Variants in ARHGAP6 observed in about 807,000 individuals in gnomAD.
ARHGAP6 encodes Rho GTPase activating protein 6.
In ARHGAP6, 16 loss-of-function variants were observed where a neutral mutation model predicts 55.7. That is an observed-to-expected ratio of 0.29 (90% CI 0.19 to 0.44). ARHGAP6 has a LOEUF of 0.44. ARHGAP6 is among the 20% of genes least tolerant of loss of function. The pLI is 1.00. For missense variants in ARHGAP6, 698 were observed against 808.9 expected, an observed-to-expected ratio of 0.86 and a Z score of 1.66; for synonymous variants, 382 against 360.9, an observed-to-expected ratio of 1.06 and a Z score of -0.66.
intron 2 of ARHGAP6, among the ~76,000 whole-genome samples, chrX:11,232,489 G>A (rs780673264): frequency 1.8e-5 from 2 of 110,477 alleles, no homozygotes; most frequent in African/African-American, 6.6e-5. Flanking sequence ...AAAATTAGCT[G>A]GGCTTGGTGG....
intron 1 of ARHGAP6, among the ~76,000 whole-genome samples, chrX:11,477,149 C>T (rs2050411012): frequency 1.0e-5 from 1 of 96,213 alleles, no homozygotes; most frequent in African/African-American, 3.9e-5. Context: ...GTTATGAGAA[C>T]TTCAAATATG....
chrX:11,535,361 T>A (rs1158427072), intron 1 of ARHGAP6, among the ~76,000 whole-genome samples: 1 of 112,217 alleles, frequency 8.9e-6, no homozygotes, highest in Non-Finnish European at 1.9e-5. Context: ...GGAAAATTGC[T>A]TAAATCTTGC....
intron 1 of ARHGAP6, among the ~76,000 whole-genome samples, chrX:11,450,946 C>T (rs1337446498): frequency 9.0e-6 from 1 of 111,548 alleles, no homozygotes; most frequent in Non-Finnish European, 1.9e-5. Flanking sequence ...ACCACTGGTC[C>T]AAAGGATGGC....
chrX:11,487,557 T>G (rs990261693), intron 1 of ARHGAP6, among the ~76,000 whole-genome samples: 8 of 112,419 alleles, frequency 7.1e-5, no homozygotes, highest in Admixed American at 6.6e-4. Flanking sequence ...ATAATTTAAG[T>G]ATGTCCATGC....
Position 11,427,856 on chromosome X carries a change from AGG to A in ARHGAP6, c.589-173151_589-173150del, listed in dbSNP as rs1569340683. 7 of 590,823 alleles carry A rather than the reference AGG, an allele frequency of 1.2e-5. No individual in the cohort carries two copies. The Admixed American group carries it at 6.4e-4, about 54-fold the overall frequency. 48.7% of individuals were successfully genotyped at this position (590,823 alleles called of 1,213,427 possible). On this transcript the variant is annotated intron_variant, in intron 1 of 12. Transcript: ENST00000337414. ...GAGGAGGAGGAGGAGGAGGAGGAGG[AGG>A]AGGAGGGAGCGGCCGAGTCTGATGC...
chrX:11,660,284 G>C (rs2052681116), intron 1 of ARHGAP6, among the ~76,000 whole-genome samples: 1 of 109,564 alleles, frequency 9.1e-6, no homozygotes, highest in South Asian at 3.9e-4. Flanking sequence ...GTAGAGGCTG[G>C]GTGTGGTGGC....
At chrX:11,496,424 C>T (rs2050622553) in intron 1 of ARHGAP6, among the ~76,000 whole-genome samples, 1 of 111,017 alleles carries the variant, frequency 9.0e-6, no homozygotes, top group African/African-American at 3.3e-5. Context: ...TCTTATATAT[C>T]TGCTACTATA....
intron 1 of ARHGAP6, chrX:11,367,764 A>C (rs1295772071): frequency 1.3e-5 from 10 of 749,233 alleles, no homozygotes; most frequent in Non-Finnish European, 1.6e-5. Flanking sequence ...AGAGACCAGG[A>C]TGTTACCTCC....
At chrX:11,423,319 G>A (rs1444148762) in intron 1 of ARHGAP6, among the ~76,000 whole-genome samples, 2 of 112,738 alleles carry the variant, frequency 1.8e-5, no homozygotes, top group African/African-American at 6.4e-5. Context: ...CAAACTTAAT[G>A]ACTTCAAAGT....
intron 2 of ARHGAP6, among the ~76,000 whole-genome samples, chrX:11,212,030 GTAGT>G (rs1316730606): frequency 9.0e-6 from 1 of 111,437 alleles, no homozygotes; most frequent in Non-Finnish European, 1.9e-5. Context: ...GAAACTCCAG[GTAGT>G]TAATTACCTT....
intron 1 of ARHGAP6, among the ~76,000 whole-genome samples, chrX:11,266,200 T>A (rs2047625875): frequency 9.1e-6 from 1 of 109,524 alleles, no homozygotes; most frequent in Non-Finnish European, 1.9e-5. Flanking sequence ...AGGATTCCTC[T>A]AAAAAAAATC....
chrX:11,503,839 T>C (rs1028891308), intron 1 of ARHGAP6, among the ~76,000 whole-genome samples: 4 of 109,155 alleles, frequency 3.7e-5, no homozygotes, highest in African/African-American at 1.3e-4. Flanking sequence ...GAAATATCCA[T>C]TTGCACACAC....
intron 2 of ARHGAP6, among the ~76,000 whole-genome samples, chrX:11,246,963 A>G (rs941098035): frequency 6.2e-5 from 7 of 112,352 alleles, no homozygotes; most frequent in African/African-American, 2.3e-4. Context: ...TAAACACCCA[A>G]TCTCAATTTC....
chrX:11,259,266 T>C (rs2047528875), intron 1 of ARHGAP6, among the ~76,000 whole-genome samples: 1 of 112,020 alleles, frequency 8.9e-6, no homozygotes, highest in African/African-American at 3.2e-5. Context: ...CTGGCTTACT[T>C]CACTTAGCAT....
intron 1 of ARHGAP6, among the ~76,000 whole-genome samples, chrX:11,604,175 C>T (rs1290815808): frequency 8.9e-6 from 1 of 111,734 alleles, no homozygotes. Flanking sequence ...ATATGGCCCC[C>T]AACACCAATT....
intron 1 of ARHGAP6, chrX:11,367,740 AC>A: frequency 1.4e-6 from 1 of 734,892 alleles, no homozygotes; most frequent in Non-Finnish European, 1.6e-6. Flanking sequence ...CTAATGAATC[AC>A]CCAGGAAGTT....
intron 1 of ARHGAP6, among the ~76,000 whole-genome samples, chrX:11,521,662 A>C (rs775825895): frequency 5.4e-5 from 6 of 111,203 alleles, no homozygotes; most frequent in South Asian, 7.5e-4. Flanking sequence ...GTTCCATATG[A>C]ACTTTAAAGT....
At chrX:11,417,808 C>T (rs906553794) in intron 1 of ARHGAP6, among the ~76,000 whole-genome samples, 2 of 111,804 alleles carry the variant, frequency 1.8e-5, no homozygotes, top group African/African-American at 6.5e-5. Flanking sequence ...GTCCCAGCCC[C>T]ACTACGTACT....
chrX:11,144,390 C>A, intron 10 of ARHGAP6, 142 bp from the exon 11 acceptor site: 1 of 832,796 alleles, frequency 1.2e-6, no homozygotes, highest in Non-Finnish European at 1.7e-6. Flanking sequence ...AGCAATGTTC[C>A]AAGACATGTA....
Sources: allele counts gnomAD v4.1 joint callset (sites outside exome capture counted in the v4.1 genomes callset), GRCh38; gene constraint gnomAD v4.1.1; transcripts MANE v1.5; gene names NCBI Gene and HGNC (gene_info 2026-07-23, HGNC 2026-07-21).